The following ERG variants were observed in gnomAD, a reference collection of about 807,000 sequenced individuals.
The protein encoded by ERG is transcriptional regulator ERG.
ERG carries 9 observed loss-of-function variants against 55.3 expected under a neutral mutation model. That is an observed-to-expected ratio of 0.16 (90% CI 0.10 to 0.28). ERG has a LOEUF of 0.28. ERG is among the 10% of genes least tolerant of loss of function. The pLI is 1.00. For missense variants in ERG, 434 were observed against 631.6 expected (o/e 0.69, Z 3.35); for synonymous variants, 223 against 237.3 (o/e 0.94, Z 0.55).
intron 1 of ERG, among the ~76,000 whole-genome samples, chr21:38,497,549 T>C (rs185708264): frequency 2.0e-5 from 3 of 152,342 alleles, no homozygotes; most frequent in East Asian, 1.9e-4. Context: ...ATTGGCTTCA[T>C]TTCCAGGAAT....
chr21:38,577,568 G>T (rs1033119178), intron 1 of ERG, among the ~76,000 whole-genome samples: 1 of 152,144 alleles, frequency 6.6e-6, no homozygotes, highest in Non-Finnish European at 1.5e-5. Flanking sequence ...GGCTCCTGGT[G>T]CTCTCGTGGG....
intron 1 of ERG, among the ~76,000 whole-genome samples, chr21:38,494,376 G>C (rs193275194): frequency 2.6e-5 from 4 of 152,282 alleles, no homozygotes; most frequent in African/African-American, 7.2e-5. Context: ...CATCCGTCTG[G>C]CTTCCCCATG....
At chr21:38,654,678 G>C (rs1266579420) in intron 1 of ERG, among the ~76,000 whole-genome samples, 2 of 152,162 alleles carry the variant, frequency 1.3e-5, no homozygotes, top group African/African-American at 2.4e-5. Flanking sequence ...TTAAAACTCT[G>C]TAGTGAAGTA....
intron 2 of ERG, among the ~76,000 whole-genome samples, chr21:38,566,448 A>C (rs926350329): frequency 6.6e-6 from 1 of 152,190 alleles, no homozygotes; most frequent in Non-Finnish European, 1.5e-5. Flanking sequence ...AACCTTGCTG[A>C]TGTCTCTAAA....
At chr21:38,607,910 G>A (rs1315646689) in intron 1 of ERG, among the ~76,000 whole-genome samples, 1 of 152,100 alleles carries the variant, frequency 6.6e-6, no homozygotes, top group Non-Finnish European at 1.5e-5. Context: ...CTTGATGTCA[G>A]ACTTTGTTAG....
chr21:38,608,713 C>T (rs551383810), intron 1 of ERG, among the ~76,000 whole-genome samples: 1 of 152,156 alleles, frequency 6.6e-6, no homozygotes, highest in Non-Finnish European at 1.5e-5. Flanking sequence ...TTTCTTTCAC[C>T]CTCTATGCAC....
At chr21:38,581,189 G>C (rs1402154963) in intron 1 of ERG, among the ~76,000 whole-genome samples, 4 of 152,206 alleles carry the variant, frequency 2.6e-5, no homozygotes, top group Non-Finnish European at 5.9e-5. Context: ...GGGGAGGGCA[G>C]GAATGGGGCC....
At chr21:38,625,579 C>T (rs2060319427) in intron 1 of ERG, among the ~76,000 whole-genome samples, 1 of 152,038 alleles carries the variant, frequency 6.6e-6, no homozygotes, top group Non-Finnish European at 1.5e-5. Context: ...AGCAGCGAGC[C>T]TTAAATTGCA....
chr21:38,578,412 T>A (rs1250221476), intron 1 of ERG, among the ~76,000 whole-genome samples: 5 of 152,206 alleles, frequency 3.3e-5, no homozygotes, highest in African/African-American at 1.2e-4. Flanking sequence ...TTTTGCCACA[T>A]AACTTTGTGA....
intron 3 of ERG, among the ~76,000 whole-genome samples, chr21:38,404,611 G>C (rs972798473): frequency 2.0e-5 from 3 of 152,196 alleles, no homozygotes; most frequent in African/African-American, 7.2e-5. Context: ...AGACACATGG[G>C]CAGGGAGTTG....
chr21:38,615,950 G>T (rs1245174430), intron 1 of ERG, among the ~76,000 whole-genome samples: 1 of 152,004 alleles, frequency 6.6e-6, no homozygotes, highest in Admixed American at 6.6e-5. Context: ...ACATGGTTTG[G>T]TTCTGTGTCC....
chr21:38,659,920 T>C (rs1463693438), intron 1 of ERG, among the ~76,000 whole-genome samples: 1 of 152,220 alleles, frequency 6.6e-6, no homozygotes, highest in Non-Finnish European at 1.5e-5. Flanking sequence ...ATACAGACTA[T>C]ATTTTTTTTA....
rs1205494343 is a variant in ERG at position 38,383,960 on chromosome 21, G to GC, written c.920-38dup. On this transcript the variant is annotated intron_variant, in intron 9 of 9. Transcript: ENST00000288319. The surrounding 1 kb of genome is among the most constrained non-coding windows in gnomAD (Gnocchi z 5.7). ...AGGAGAGGAAGGAAAACTCCAGTGA[G>GC]CACAGGTTCCAGGGGAAAGAGGCTC... is the stretch of plus-strand genomic sequence containing the variant. 1.3e-6 allele frequency: 2 copies of GC among 1,581,760 alleles called. No individual in the cohort carries two copies. Among genetic ancestry groups the GC allele is most frequent in the Non-Finnish European group, 1.7e-6 (2 of 1,164,568 alleles).
intron 2 of ERG, among the ~76,000 whole-genome samples, chr21:38,437,296 A>G (rs996935367): frequency 5.9e-5 from 9 of 151,358 alleles, no homozygotes; most frequent in African/African-American, 2.2e-4. Context: ...CAACTTCGAC[A>G]CTAGTGCCAC....
downstream of ERG, among the ~76,000 whole-genome samples, chr21:38,377,644 CT>C (rs1171357260): frequency 6.6e-6 from 1 of 152,210 alleles, no homozygotes; most frequent in Non-Finnish European, 1.5e-5. Flanking sequence ...TGGTTCGTGA[CT>C]TCTACACCAA....
At chr21:38,552,408 G>C (rs1050568431) in intron 2 of ERG, among the ~76,000 whole-genome samples, 34 of 152,078 alleles carry the variant, frequency 2.2e-4, no homozygotes, top group Non-Finnish European at 2.9e-5. Context: ...CAATATTCAT[G>C]ATGAACAGGG....
intron 1 of ERG, among the ~76,000 whole-genome samples, chr21:38,592,001 G>T (rs768107819): frequency 6.6e-6 from 1 of 152,208 alleles, no homozygotes; most frequent in Non-Finnish European, 1.5e-5. Flanking sequence ...ACTTAAGGAC[G>T]TTACTGTCTG....
rs535997828 is a variant in ERG, at chr21:38,466,917, G to A, written c.19-21296C>T. 8.5e-4 allele frequency among the ~76,000 whole-genome samples: 130 copies of A among 152,166 alleles called. 1 individual carries two copies. The highest frequency in any genetic ancestry group is 7.7e-4 in the East Asian group (4 of 5,178). On this transcript the variant is annotated intron_variant, in intron 1 of 9. Transcript: ENST00000288319. Reference sequence around the variant, plus strand: ...TGAAATCCAACATCTTTCACCTGGCGTAAGAAGCCCAACATGTTCTGGCCC... The same window carrying A: ...TGAAATCCAACATCTTTCACCTGGCATAAGAAGCCCAACATGTTCTGGCCC...
chr21:38,589,380 G>A (rs2060086178), upstream of ERG, among the ~76,000 whole-genome samples: 1 of 152,180 alleles, frequency 6.6e-6, no homozygotes, highest in Non-Finnish European at 1.5e-5. Flanking sequence ...GGCAATGGCA[G>A]CAGACGTAAC....
Sources: gnomAD v4.1 joint callset for allele counts (sites outside exome capture counted in the v4.1 genomes callset) on GRCh38, gnomAD v4.1.1 for gene constraint, Gnocchi (gnomAD v3.1) non-coding constraint, MANE v1.5 for transcripts, NCBI Gene and HGNC (gene_info 2026-07-23, HGNC 2026-07-21) for gene names.